The following TENM3 variants were observed in gnomAD, a reference collection of about 807,000 sequenced individuals.
TENM3 encodes the protein teneurin transmembrane protein 3.
A neutral mutation model predicts 255.1 loss-of-function variants in TENM3; 63 were observed. That is an observed-to-expected ratio of 0.25 (90% confidence interval 0.20 to 0.30). The LOEUF (loss-of-function observed/expected upper bound fraction) is 0.30. TENM3 is among the 10% of genes least tolerant of loss of function. TENM3 has a pLI of 1.00. For missense variants in TENM3, 2,929 were observed against 3,461.1 expected, an observed-to-expected ratio of 0.85 and a Z score of 3.86; for synonymous variants, 1,306 against 1,322.3, an observed-to-expected ratio of 0.99 and a Z score of 0.27.
At chr4:181,695,824 G>A in the TENM3 span, among the ~76,000 whole-genome samples, 10 of 151,944 alleles carry the variant, frequency 6.6e-5, no homozygotes, top group African/African-American at 1.7e-4. Flanking sequence ...GTAATGGATC[G>A]TTGGTCACAG....
At chr4:182,178,490 C>T (rs1317850922) in intron 1 of TENM3, among the ~76,000 whole-genome samples, 3 of 152,136 alleles carry the variant, frequency 2.0e-5, no homozygotes, top group Non-Finnish European at 4.4e-5. Context: ...AAATATGAAC[C>T]TACAAACACA....
chr4:181,732,954 G>A, the TENM3 span, among the ~76,000 whole-genome samples: 2 of 152,174 alleles, frequency 1.3e-5, no homozygotes, highest in Admixed American at 1.3e-4. Flanking sequence ...GCAAAGACCC[G>A]TTGTTGCTTT....
chr4:181,474,913 C>T, the TENM3 span, among the ~76,000 whole-genome samples: 1 of 152,106 alleles, frequency 6.6e-6, no homozygotes, highest in Non-Finnish European at 1.5e-5. Context: ...TCCCCACCTA[C>T]AGCCTTGGCC....
At chr4:181,749,930 CATTA>C in the TENM3 span, among the ~76,000 whole-genome samples, 1 of 152,048 alleles carries the variant, frequency 6.6e-6, no homozygotes, top group Non-Finnish European at 1.5e-5. Context: ...ATCACAGTAC[CATTA>C]ATTATTTATT....
the TENM3 span, among the ~76,000 whole-genome samples, chr4:181,948,802 G>A: frequency 6.6e-6 from 1 of 152,256 alleles, no homozygotes; most frequent in East Asian, 1.9e-4. Flanking sequence ...TCACCCCAGT[G>A]CAAAGGAAAG....
the TENM3 span, among the ~76,000 whole-genome samples, chr4:182,000,341 G>A: frequency 1.3e-5 from 2 of 151,848 alleles, no homozygotes; most frequent in Non-Finnish European, 2.9e-5. Flanking sequence ...TTATACCACC[G>A]GGACCTCCTT....
the TENM3 span, among the ~76,000 whole-genome samples, chr4:182,045,455 C>T: frequency 6.6e-6 from 1 of 150,992 alleles, no homozygotes; most frequent in African/African-American, 2.4e-5. Context: ...AAGTACATAA[C>T]CTACGAAAGA....
At chr4:182,796,798 A>G in intron 27 of TENM3, 31 bp downstream of exon 27, 1 of 1,568,812 alleles carries the variant, frequency 6.4e-7, no homozygotes. Flanking sequence ...CGGAAAGGTG[A>G]TAAGTAGCTT....
At chr4:182,261,798 A>G (rs1758810446) in intron 1 of TENM3, among the ~76,000 whole-genome samples, 1 of 152,208 alleles carries the variant, frequency 6.6e-6, no homozygotes, top group African/African-American at 2.4e-5. Flanking sequence ...GTGCCATTAC[A>G]TATTACGTCG....
chr4:182,680,595 C>T lies in TENM3; in HGVS notation c.1692C>T (p.Cys564=), dbSNP rs1158168075. The change falls in exon 10 of 28, where the codon TGC becomes TGT. Residue 564 remains cysteine, a synonymous_variant. Transcript: ENST00000511685. ...SGNGQYSKGR[C]LCFSGWKGTE... is the part of the protein sequence containing the mutation. ...ACGGGCAGTACTCCAAGGGCCGCTGCCTGTGTTTCAGCGGCTGGAAGGGCA... is the reference window on the plus strand; with the variant it reads ...ACGGGCAGTACTCCAAGGGCCGCTGTCTGTGTTTCAGCGGCTGGAAGGGCA... 6.2e-7 allele frequency: 1 copy of T among 1,613,788 alleles called. No homozygotes were observed. The highest frequency in any genetic ancestry group is 1.1e-5 in the South Asian group (1 of 91,052).
chr4:181,539,735 A>C, the TENM3 span, among the ~76,000 whole-genome samples: 6 of 152,160 alleles, frequency 3.9e-5, no homozygotes, highest in African/African-American at 9.7e-5. Context: ...TATGTCACTA[A>C]TTTTTCTTTC....
intron 3 of TENM3, among the ~76,000 whole-genome samples, chr4:182,558,907 T>C (rs1273327307): frequency 2.6e-5 from 4 of 152,140 alleles, no homozygotes; most frequent in African/African-American, 9.7e-5. Context: ...TCCAAAATTA[T>C]GATGTAAAAG....
At chr4:182,485,564 G>A (rs1466394281) in intron 3 of TENM3, among the ~76,000 whole-genome samples, 1 of 152,016 alleles carries the variant, frequency 6.6e-6, no homozygotes, top group Non-Finnish European at 1.5e-5. Context: ...ATACATACTG[G>A]AGTCTCACTA....
At chr4:181,752,225 C>T in the TENM3 span, among the ~76,000 whole-genome samples, 2,219 of 152,234 alleles carry the variant, frequency 0.015, 51 homozygotes, top group African/African-American at 0.05. Flanking sequence ...TCACCCATAA[C>T]GTAAGTTGTT....
At chr4:181,780,826 A>T in the TENM3 span, among the ~76,000 whole-genome samples, 1 of 152,200 alleles carries the variant, frequency 6.6e-6, no homozygotes, top group African/African-American at 2.4e-5. Context: ...ATCCAGTTGC[A>T]GCTTTCTCCA....
the TENM3 span, among the ~76,000 whole-genome samples, chr4:181,736,508 T>C: frequency 6.6e-6 from 1 of 151,902 alleles, no homozygotes; most frequent in Non-Finnish European, 1.5e-5. Flanking sequence ...AATTAATATA[T>C]ACTAACGTGG....
chr4:182,183,139 G>A, intron 1 of TENM3, among the ~76,000 whole-genome samples: 1 of 152,092 alleles, frequency 6.6e-6, no homozygotes, highest in Non-Finnish European at 1.5e-5. Flanking sequence ...GAAAAAATAG[G>A]GAGTTGCAGA....
chr4:182,249,442 C>T (rs1173712284), intron 1 of TENM3, among the ~76,000 whole-genome samples: 1 of 152,204 alleles, frequency 6.6e-6, no homozygotes, highest in Non-Finnish European at 1.5e-5. Context: ...GTACTCCATG[C>T]TGTTTTCGTA....
the TENM3 span, among the ~76,000 whole-genome samples, chr4:181,888,429 A>G: frequency 6.8e-6 from 1 of 148,118 alleles, no homozygotes; most frequent in African/African-American, 2.5e-5. Flanking sequence ...ACAAATTCAA[A>G]TCAGGTTAAA....
Sources: gnomAD v4.1 joint callset for allele counts (sites outside exome capture counted in the v4.1 genomes callset) on GRCh38, gnomAD v4.1.1 for gene constraint, MANE v1.5 for transcripts, NCBI Gene and HGNC (gene_info 2026-07-23, HGNC 2026-07-21) for gene names.